CELF2: variants seen among roughly 807,000 people sequenced by gnomAD.
CELF2 encodes the protein CUG triplet repeat RNA-binding protein 2.
A neutral mutation model predicts 62.6 loss-of-function variants in CELF2; 8 were observed. The observed-to-expected ratio is 0.13, with a 90% CI of 0.07 to 0.23. CELF2 has a LOEUF of 0.23. CELF2 is among the 10% of genes least tolerant of loss of function. The pLI, the probability that CELF2 is intolerant of heterozygous loss-of-function variation, is 1.00. For synonymous variants in CELF2, 258 were observed against 250.0 expected (o/e 1.03, Z -0.30); for missense variants, 333 against 671.0 (o/e 0.50, Z 5.56).
At chr10:10,480,489 A>T in the CELF2 span, among the ~76,000 whole-genome samples, 3 of 152,208 alleles carry the variant, frequency 2.0e-5, no homozygotes, top group Non-Finnish European at 4.4e-5. Context: ...ATCTCTTAAT[A>T]AAAGCCCAGA....
chr10:11,085,596 A>G (rs1487618760), intron 1 of CELF2, among the ~76,000 whole-genome samples: 1 of 152,096 alleles, frequency 6.6e-6, no homozygotes, highest in Non-Finnish European at 1.5e-5. Flanking sequence ...CAGTTTACAG[A>G]TGGGCCGTTG....
At chr10:10,943,599 TTTTG>T (rs201482435) in intron 2 of CELF2, among the ~76,000 whole-genome samples, 10 of 152,150 alleles carry the variant, frequency 6.6e-5, no homozygotes, top group Non-Finnish European at 1.0e-4. Flanking sequence ...CTTTTCTGTT[TTTTG>T]TTTGTTTGTT....
chr10:10,544,511 A>G, the CELF2 span, among the ~76,000 whole-genome samples: 39 of 152,372 alleles, frequency 2.6e-4, no homozygotes, highest in African/African-American at 8.9e-4. Flanking sequence ...ATATTCTTGC[A>G]TATATTTGTC....
chr10:11,151,034 T>C (rs181144466), intron 1 of CELF2, among the ~76,000 whole-genome samples: 1 of 143,754 alleles, frequency 7.0e-6, no homozygotes, highest in Admixed American at 6.9e-5. Context: ...GAGCAAAATA[T>C]TAGTTAAGGA....
chr10:11,199,563 C>G (rs938703735), intron 2 of CELF2, among the ~76,000 whole-genome samples: 2 of 152,162 alleles, frequency 1.3e-5, no homozygotes, highest in African/African-American at 4.8e-5. Context: ...CCCCTTCCCC[C>G]AAGTGTGCCT....
chr10:10,614,326 CCTT>C, the CELF2 span, among the ~76,000 whole-genome samples: 8 of 152,182 alleles, frequency 5.3e-5, no homozygotes, highest in African/African-American at 1.4e-4. Context: ...AAGACTGTCT[CCTT>C]CTCTCCACTC....
chr10:10,606,256 T>G, the CELF2 span, among the ~76,000 whole-genome samples: 47 of 152,298 alleles, frequency 3.1e-4, no homozygotes, highest in African/African-American at 1.1e-3. Flanking sequence ...AAAACGTGAT[T>G]GAGGAGACTT....
intron 1 of CELF2, among the ~76,000 whole-genome samples, chr10:10,854,530 T>C (rs2059588627): frequency 6.6e-6 from 1 of 152,034 alleles, no homozygotes; most frequent in Non-Finnish European, 1.5e-5. Flanking sequence ...GATCCAAAAA[T>C]AATTATTGGC....
intron 1 of CELF2, among the ~76,000 whole-genome samples, chr10:11,143,338 AC>A (rs1286865608): frequency 6.6e-6 from 1 of 152,086 alleles, no homozygotes; most frequent in East Asian, 1.9e-4. Flanking sequence ...AAATCGGCAA[AC>A]CCTTGAAATG....
chr10:10,925,369 C>T (rs1032222993), intron 2 of CELF2, among the ~76,000 whole-genome samples: 2 of 151,888 alleles, frequency 1.3e-5, no homozygotes, highest in East Asian at 2.0e-4. Context: ...CATCCTCTAT[C>T]GTTAATTCAA....
At chr10:10,954,002 CAT>C (rs930607855) in intron 2 of CELF2, among the ~76,000 whole-genome samples, 3 of 151,630 alleles carry the variant, frequency 2.0e-5, no homozygotes, top group African/African-American at 4.8e-5. Context: ...TATTTTAAAA[CAT>C]GTGAAAAGAT....
At chr10:11,114,507 G>A (rs2056079204) in intron 1 of CELF2, among the ~76,000 whole-genome samples, 1 of 152,112 alleles carries the variant, frequency 6.6e-6, no homozygotes, top group Non-Finnish European at 1.5e-5. Flanking sequence ...AGTTGCTAAT[G>A]TTCTTACTTA....
At chr10:11,072,221 A>G (rs988069631) in intron 1 of CELF2, among the ~76,000 whole-genome samples, 1 of 152,156 alleles carries the variant, frequency 6.6e-6, no homozygotes, top group South Asian at 2.1e-4. Context: ...CTAATTTGAG[A>G]GAATTATGTG....
chr10:10,782,823 G>T, the CELF2 span, among the ~76,000 whole-genome samples: 1 of 152,148 alleles, frequency 6.6e-6, no homozygotes, highest in African/African-American at 2.4e-5. Context: ...GTGCCCCCTG[G>T]TCTGTGATGA....
intron 1 of CELF2, among the ~76,000 whole-genome samples, chr10:11,103,402 A>C (rs2052388284): frequency 6.7e-6 from 1 of 150,298 alleles, no homozygotes; most frequent in Non-Finnish European, 1.5e-5. Flanking sequence ...CATTTTTATT[A>C]ACATTTTACA....
chr10:11,060,414 A>G (rs1052099809), intron 1 of CELF2, among the ~76,000 whole-genome samples: 1 of 152,232 alleles, frequency 6.6e-6, no homozygotes, highest in Non-Finnish European at 1.5e-5. Context: ...CATTAATTAC[A>G]GGAAAAGTGT....
At chr10:10,739,733 C>T in the CELF2 span, among the ~76,000 whole-genome samples, 1 of 152,126 alleles carries the variant, frequency 6.6e-6, no homozygotes, top group African/African-American at 2.4e-5. Context: ...TGTAACAGTT[C>T]CTTAGCCTTT....
At chr10:10,672,920 A>G in the CELF2 span, among the ~76,000 whole-genome samples, 2 of 152,180 alleles carry the variant, frequency 1.3e-5, no homozygotes, top group Non-Finnish European at 2.9e-5. Context: ...CTTCCTGTCT[A>G]TGAATATGGA....
chr10:10,806,414 A>G (rs2055244328), intron 1 of CELF2, among the ~76,000 whole-genome samples: 1 of 152,154 alleles, frequency 6.6e-6, no homozygotes, highest in Non-Finnish European at 1.5e-5. Flanking sequence ...CACGTTGGCC[A>G]GGATGGTCTC....
Sources: allele counts gnomAD v4.1 joint callset (sites outside exome capture counted in the v4.1 genomes callset), GRCh38; gene constraint gnomAD v4.1.1; transcripts MANE v1.5; gene names NCBI Gene and HGNC (gene_info 2026-07-23, HGNC 2026-07-21).